SLC36A1: variants seen among roughly 807,000 people sequenced by gnomAD.
SLC36A1 encodes the protein proton-coupled amino acid transporter 1.
Under a neutral mutation model 47.5 loss-of-function variants are expected in SLC36A1, and 30 were observed. The observed-to-expected ratio is 0.63, with a 90% CI of 0.47 to 0.86. SLC36A1 has a LOEUF of 0.86. Among genes scored for constraint, SLC36A1 ranks in the 40% least tolerant of loss-of-function variants. The pLI, the probability that SLC36A1 is intolerant of heterozygous loss-of-function variation, is 0.00. For synonymous variants in SLC36A1, 255 were observed against 249.7 expected (o/e 1.02, Z -0.20); for missense variants, 517 against 606.0 (o/e 0.85, Z 1.54).
At chr5:151,542,708 T>C in the SLC36A1 span, 1 of 1,614,240 alleles carries the variant, frequency 6.2e-7, no homozygotes, top group Non-Finnish European at 8.5e-7. Context: ...ATATTCTCAG[T>C]GAGGACAGCC....
chr5:151,357,474 T>G, the SLC36A1 span, among the ~76,000 whole-genome samples: 1 of 152,276 alleles, frequency 6.6e-6, no homozygotes, highest in African/African-American at 2.4e-5. Flanking sequence ...ATAGGCCTTT[T>G]GGGCCAAGTA....
chr5:151,424,257 A>G, the SLC36A1 span, among the ~76,000 whole-genome samples: 1 of 152,232 alleles, frequency 6.6e-6, no homozygotes, highest in Non-Finnish European at 1.5e-5. Context: ...GTCACCTCTA[A>G]TATCACAGAG....
At chr5:151,355,792 A>G in the SLC36A1 span, among the ~76,000 whole-genome samples, 1 of 152,220 alleles carries the variant, frequency 6.6e-6, no homozygotes, top group African/African-American at 2.4e-5. Flanking sequence ...TGAGAAAAGC[A>G]TAAAACCGCA....
chr5:151,537,968 A>G, the SLC36A1 span: 1 of 1,611,500 alleles, frequency 6.2e-7, no homozygotes, highest in Non-Finnish European at 8.5e-7. Flanking sequence ...AAGACAAAGA[A>G]GAGGGAGACT....
chr5:151,507,390 T>C, the SLC36A1 span: 2 of 1,614,100 alleles, frequency 1.2e-6, no homozygotes, highest in Non-Finnish European at 1.7e-6. Flanking sequence ...GGCTTGGGTG[T>C]CAACACCAAC....
chr5:151,413,221 C>T, the SLC36A1 span, among the ~76,000 whole-genome samples: 1 of 148,090 alleles, frequency 6.8e-6, no homozygotes, highest in African/African-American at 2.5e-5. Context: ...GAGAGATGAC[C>T]TAGGCATCTT....
chr5:151,522,148 A>G, the SLC36A1 span: 1 of 1,326,538 alleles, frequency 7.5e-7, no homozygotes, highest in Non-Finnish European at 1.0e-6. Context: ...CGCCCGACTG[A>G]GGCTGGGCCT....
the SLC36A1 span, among the ~76,000 whole-genome samples, chr5:151,418,138 T>A: frequency 6.6e-6 from 1 of 152,184 alleles, no homozygotes; most frequent in Non-Finnish European, 1.5e-5. Flanking sequence ...TTTCAGAGGA[T>A]GTATGGAAAT....
At chr5:151,402,920 G>T in the SLC36A1 span, among the ~76,000 whole-genome samples, 1 of 151,976 alleles carries the variant, frequency 6.6e-6, no homozygotes, top group Non-Finnish European at 1.5e-5. Flanking sequence ...TCTTGCTAGT[G>T]GTCTGTCAGT....
chr5:151,465,491 T>A (rs1252654542), intron 5 of SLC36A1, among the ~76,000 whole-genome samples: 1 of 152,238 alleles, frequency 6.6e-6, no homozygotes, highest in East Asian at 1.9e-4. Flanking sequence ...TTAAGCACTA[T>A]CTTATAAATG....
At chr5:151,539,141 A>G in the SLC36A1 span, among the ~76,000 whole-genome samples, 1 of 152,128 alleles carries the variant, frequency 6.6e-6, no homozygotes. Context: ...GAAGGTGACC[A>G]CCATTCTCCC....
chr5:151,545,993 T>C, the SLC36A1 span: 1 of 1,614,164 alleles, frequency 6.2e-7, no homozygotes, highest in East Asian at 2.2e-5. Context: ...TGGGTGGAAA[T>C]AAGGCCAGAA....
chr5:151,345,989 C>G, the SLC36A1 span, among the ~76,000 whole-genome samples: 3 of 152,230 alleles, frequency 2.0e-5, no homozygotes, highest in Non-Finnish European at 4.4e-5. Flanking sequence ...TGGTAAGCAG[C>G]TAAGTGGGAA....
At chr5:151,493,071 A>G (rs1047258516), downstream of SLC36A1, among the ~76,000 whole-genome samples, 2 of 152,222 alleles carry the variant, frequency 1.3e-5, no homozygotes, top group African/African-American at 4.8e-5. Flanking sequence ...AAGAAACCGG[A>G]CACAACAGGT....
chr5:151,531,039 C>T, the SLC36A1 span, among the ~76,000 whole-genome samples: 90 of 152,226 alleles, frequency 5.9e-4, no homozygotes, highest in African/African-American at 2.0e-3. This position sits in a 1 kb window ranked among gnomAD's most constrained non-coding sequence, Gnocchi z 5.7. Flanking sequence ...TGAGGCCCTT[C>T]GGTGAGTTTC....
At chr5:151,459,434 C>A (rs6892322) in intron 2 of SLC36A1, among the ~76,000 whole-genome samples, 32 of 152,226 alleles carry the variant, frequency 2.1e-4, no homozygotes, top group Admixed American at 3.9e-4. Context: ...AGGGCTTAAT[C>A]TCTTGTCTCC....
the SLC36A1 span, among the ~76,000 whole-genome samples, chr5:151,515,233 G>A: frequency 1.3e-5 from 2 of 151,964 alleles, no homozygotes; most frequent in Non-Finnish European, 2.9e-5. Context: ...ATACTCCCTG[G>A]GTTTTCCTCC....
At chr5:151,510,092 C>T in the SLC36A1 span, 9 of 1,614,190 alleles carry the variant, frequency 5.6e-6, no homozygotes, top group African/African-American at 5.3e-5. Context: ...TTCCACCTTC[C>T]AGGCAGGGTG....
the SLC36A1 span, among the ~76,000 whole-genome samples, chr5:151,374,631 T>A: frequency 1.1e-4 from 17 of 152,196 alleles, no homozygotes; most frequent in Non-Finnish European, 2.2e-4. Flanking sequence ...TTTTAGTTTT[T>A]TTGAGAAATC....
Sources: allele counts gnomAD v4.1 joint callset (sites outside exome capture counted in the v4.1 genomes callset), GRCh38; gene constraint gnomAD v4.1.1; non-coding constraint Gnocchi (gnomAD v3.1); transcripts MANE v1.5; gene names NCBI Gene and HGNC (gene_info 2026-07-23, HGNC 2026-07-21).